Variants in IL17B observed in about 807,000 individuals in gnomAD.
IL17B encodes interleukin-17B.
IL17B carries 14 observed loss-of-function variants against 14.7 expected under a neutral mutation model. That is an observed-to-expected ratio of 0.95 (90% CI 0.63 to 1.49). IL17B has a LOEUF of 1.49. Ranked by LOEUF, IL17B falls within the 40% of genes most tolerant of loss-of-function variation. The pLI is 0.00. For synonymous variants in IL17B, 105 were observed against 94.8 expected (o/e 1.11, Z -0.62); for missense variants, 233 against 252.8 (o/e 0.92, Z 0.53).
chr5:149,401,870 C>T (rs1343085407), intron 1 of IL17B, among the ~76,000 whole-genome samples: 2 of 152,218 alleles, frequency 1.3e-5, no homozygotes, highest in African/African-American at 4.8e-5. Flanking sequence ...CCCAAATTCC[C>T]TCCACCCAGA....
chr5:149,385,628 G>A lies in IL17B; in HGVS notation n.96-8603C>T, dbSNP rs139658364. Reference sequence around the variant, plus strand: ...GCCTGTCTCCAGGGCAGACAGAGGCGCCAGGCCCCCTGCCCACTGGAGTGT... The same window carrying A: ...GCCTGTCTCCAGGGCAGACAGAGGCACCAGGCCCCCTGCCCACTGGAGTGT... On this transcript the variant is annotated intron_variant and non_coding_transcript_variant, in intron 1 of 2. Coordinates refer to the IL17B transcript ENST00000505432. Among the ~76,000 whole-genome samples the A allele has an allele frequency of 1.6e-3, 247 of 152,356 alleles. 1 individual carries two copies. The highest frequency in any genetic ancestry group is 5.4e-3 in the African/African-American group (226 of 41,590).
upstream of IL17B, chr5:149,379,414 G>T: frequency 1.5e-6 from 1 of 658,976 alleles, no homozygotes; most frequent in East Asian, 2.7e-5. Context: ...TAGCGCAGTG[G>T]CAGGCGGTGA....
chr5:149,396,482 T>C (rs1197189947), intron 1 of IL17B, among the ~76,000 whole-genome samples: 1 of 152,230 alleles, frequency 6.6e-6, no homozygotes, highest in African/African-American at 2.4e-5. Context: ...ATAGCTCGGC[T>C]GGGTGCAGTG....
intron 1 of IL17B, among the ~76,000 whole-genome samples, chr5:149,390,198 G>T (rs1758909143): frequency 1.4e-5 from 2 of 146,688 alleles, no homozygotes; most frequent in Admixed American, 7.0e-5. Flanking sequence ...GAATTCCCCT[G>T]CTATTACTGG....
At chr5:149,389,539 G>A (rs558046363) in intron 1 of IL17B, among the ~76,000 whole-genome samples, 1 of 152,342 alleles carries the variant, frequency 6.6e-6, no homozygotes, top group Non-Finnish European at 1.5e-5. Context: ...GTCAGAGTTG[G>A]GACCAGAATC....
chr5:149,379,975 G>A (rs1201277651), upstream of IL17B, among the ~76,000 whole-genome samples: 1 of 152,204 alleles, frequency 6.6e-6, no homozygotes, highest in Non-Finnish European at 1.5e-5. Flanking sequence ...TATTTCTGAA[G>A]CTGTACGCCC....
At chr5:149,403,326 T>C (rs1319759044) in intron 1 of IL17B, among the ~76,000 whole-genome samples, 2 of 152,014 alleles carry the variant, frequency 1.3e-5, no homozygotes. Flanking sequence ...GCTCAAGAGA[T>C]CCTCCTGCCT....
chr5:149,402,739 C>T (rs1216962888), intron 1 of IL17B, among the ~76,000 whole-genome samples: 1 of 149,812 alleles, frequency 6.7e-6, no homozygotes, highest in Non-Finnish European at 1.5e-5. Flanking sequence ...CACGGTGGCT[C>T]ATGCCTGTAA....
At chr5:149,395,638 G>T (rs1464827296) in intron 1 of IL17B, among the ~76,000 whole-genome samples, 1 of 152,184 alleles carries the variant, frequency 6.6e-6, no homozygotes. Context: ...GAATGCCAAT[G>T]CAGTCAAATG....
intron 1 of IL17B, among the ~76,000 whole-genome samples, chr5:149,396,530 T>G (rs1408941441): frequency 6.6e-6 from 1 of 152,002 alleles, no homozygotes. Flanking sequence ...CTGAGGCAGG[T>G]GGAATGCTTG....
upstream of IL17B, among the ~76,000 whole-genome samples, chr5:149,379,564 A>C (rs1055101502): frequency 6.6e-6 from 1 of 152,242 alleles, no homozygotes; most frequent in Non-Finnish European, 1.5e-5. Flanking sequence ...GCCAGCACCC[A>C]CAGGGCCAGC....
At chr5:149,403,272 G>C (rs1759251785) in intron 1 of IL17B, among the ~76,000 whole-genome samples, 1 of 151,880 alleles carries the variant, frequency 6.6e-6, no homozygotes, top group Admixed American at 6.6e-5. Flanking sequence ...TTTTTATAGA[G>C]ACGGGGTTTC....
chr5:149,395,204 T>G (rs1395776648), intron 1 of IL17B, among the ~76,000 whole-genome samples: 1 of 152,220 alleles, frequency 6.6e-6, no homozygotes, highest in African/African-American at 2.4e-5. Flanking sequence ...CTCTCTCTTT[T>G]TTTAATGGCT....
chr5:149,389,567 G>A lies in IL17B; in HGVS notation n.96-12542C>T, dbSNP rs956359461. Among the ~76,000 whole-genome samples, 5 of 152,238 alleles carry A rather than the reference G, an allele frequency of 3.3e-5. No individual in the cohort carries two copies. In the South Asian group the frequency reaches 1.0e-3, roughly 31 times the overall value. ...CCAGAATCTACTTCCTTTAATCCCA[G>A]TCATGGGGCTTTCCATGTACTACAT... On this transcript the variant is annotated intron_variant and non_coding_transcript_variant, in intron 1 of 2. Transcript: ENST00000505432.
In IL17B at chr5:149,391,212, C is replaced by T. The variant is rs149374667; in HGVS notation, n.95+12896G>A. 5.8e-3 allele frequency among the ~76,000 whole-genome samples: 881 copies of T among 152,292 alleles called. 6 individuals carry two copies. Among genetic ancestry groups the T allele is most frequent in the Admixed American group, 9.0e-3 (137 of 15,292 alleles). Reference sequence around the variant, plus strand: ...AACTCCTGACCTCAGGTGATCTGCTCGTCTTGGCCTCCCAAACTGCTGGGA... The same window carrying T: ...AACTCCTGACCTCAGGTGATCTGCTTGTCTTGGCCTCCCAAACTGCTGGGA... On this transcript the variant is annotated intron_variant and non_coding_transcript_variant, in intron 1 of 2. Coordinates refer to the IL17B transcript ENST00000505432.
intron 2 of IL17B, among the ~76,000 whole-genome samples, chr5:149,376,293 T>G (rs1380149193): frequency 2.6e-5 from 4 of 152,180 alleles, no homozygotes; most frequent in Non-Finnish European, 4.4e-5. Context: ...AGGTTTGGAT[T>G]GGGCATGGGA....
Position 149,374,326 on chromosome 5 carries a change from A to G in IL17B, c.*43T>C. ...CCTTTCTTGGCACAAAGGTGCAAGG[A>G]GGATGGTCTCGGGCTGCTGGCCTGG... On this transcript the variant is annotated 3_prime_UTR_variant, in exon 3 of 3. Coordinates refer to ENST00000261796, the MANE Select transcript of IL17B (RefSeq NM_014443.3). This position sits in a 1 kb window ranked among gnomAD's most constrained non-coding sequence, Gnocchi z 5.0. 2.0e-6 allele frequency: 3 copies of G among 1,497,546 alleles called. No homozygotes were observed. Among genetic ancestry groups the G allele is most frequent in the Non-Finnish European group, 2.7e-6 (3 of 1,115,616 alleles). 92.8% of individuals were successfully genotyped at this position (1,497,546 alleles called of 1,614,324 possible). A position where few individuals can be genotyped will look rare whatever the true frequency, so the allele number is the denominator to read the frequency against.
At chr5:149,403,018 A>C (rs1759242502) in intron 1 of IL17B, among the ~76,000 whole-genome samples, 2 of 151,686 alleles carry the variant, frequency 1.3e-5, no homozygotes, top group Non-Finnish European at 2.9e-5. Flanking sequence ...AAAAAAAAAA[A>C]AAAAAAACTC....
chr5:149,374,650 C>T lies in IL17B; in HGVS notation c.312-50G>A. ...GAGCGGAAGGTGATCAGGAAAGGGC[C>T]AGTCAGCACCCATACTCCACACCCC... On this transcript the variant is annotated intron_variant, in intron 2 of 2. Transcript: ENST00000261796. The surrounding 1 kb of genome is among the most constrained non-coding windows in gnomAD (Gnocchi z 5.0). 1 of 1,431,946 alleles carries T rather than the reference C, an allele frequency of 7.0e-7. No individual in the cohort carries two copies. The highest frequency in any genetic ancestry group is 9.7e-7 in the Non-Finnish European group (1 of 1,030,370). 88.7% of individuals were successfully genotyped at this position (1,431,946 alleles called of 1,614,324 possible).
Sources: allele counts gnomAD v4.1 joint callset (sites outside exome capture counted in the v4.1 genomes callset), GRCh38; gene constraint gnomAD v4.1.1; non-coding constraint Gnocchi (gnomAD v3.1); transcripts MANE v1.5; gene names NCBI Gene and HGNC (gene_info 2026-07-23, HGNC 2026-07-21).